OSBPL1A: variants seen among roughly 807,000 people sequenced by gnomAD.
OSBPL1A encodes the protein oxysterol-binding protein-related protein 1.
OSBPL1A carries 80 observed loss-of-function variants against 137.1 expected under a neutral mutation model. That is an observed-to-expected ratio of 0.58 (90% confidence interval 0.49 to 0.70). OSBPL1A has a LOEUF of 0.70. OSBPL1A is among the 30% of genes least tolerant of loss of function. OSBPL1A has a pLI of 0.00. For synonymous variants in OSBPL1A, 365 were observed against 389.7 expected, an observed-to-expected ratio of 0.94 and a Z score of 0.75; for missense variants, 970 against 1,129.4, an observed-to-expected ratio of 0.86 and a Z score of 2.02.
At chr18:24,283,216 G>A (rs1221390107) in intron 14 of OSBPL1A, among the ~76,000 whole-genome samples, 1 of 137,358 alleles carries the variant, frequency 7.3e-6, no homozygotes, top group East Asian at 2.1e-4. Context: ...AGTAAGCGGA[G>A]ATGGCACCAC....
intron 18 of OSBPL1A, among the ~76,000 whole-genome samples, chr18:24,190,212 T>C (rs1346689296): frequency 6.6e-6 from 1 of 152,038 alleles, no homozygotes; most frequent in Non-Finnish European, 1.5e-5. Context: ...CACTCGGCAT[T>C]TGTGGCTTTA....
At chr18:24,227,238 C>A (rs1368687181) in intron 16 of OSBPL1A, among the ~76,000 whole-genome samples, 1 of 151,804 alleles carries the variant, frequency 6.6e-6, no homozygotes, top group Non-Finnish European at 1.5e-5. Context: ...ATTTATTTTT[C>A]TTTGTCAATT....
At chr18:24,215,133 C>G (rs1765322113) in intron 17 of OSBPL1A, among the ~76,000 whole-genome samples, 1 of 152,186 alleles carries the variant, frequency 6.6e-6, no homozygotes, top group Non-Finnish European at 1.5e-5. Context: ...CCTTCTGTTT[C>G]CTTTTGGATT....
chr18:24,310,508 A>C (rs2090600424), intron 13 of OSBPL1A, among the ~76,000 whole-genome samples: 1 of 146,420 alleles, frequency 6.8e-6, no homozygotes, highest in Admixed American at 6.9e-5. Context: ...AGGCTGAGGC[A>C]GGGGAATGGC....
At chr18:24,208,678 A>G (rs1171104916) in intron 17 of OSBPL1A, among the ~76,000 whole-genome samples, 1 of 152,224 alleles carries the variant, frequency 6.6e-6, no homozygotes, top group African/African-American at 2.4e-5. Flanking sequence ...CCTGCAGTGA[A>G]TGGCATAGAA....
intron 17 of OSBPL1A, among the ~76,000 whole-genome samples, chr18:24,205,073 A>T (rs1244551693): frequency 6.6e-6 from 1 of 152,194 alleles, no homozygotes; most frequent in African/African-American, 2.4e-5. Flanking sequence ...AGACTGTGTT[A>T]ATCACTTAAT....
At chr18:24,382,881 A>T (rs1906698606) in intron 1 of OSBPL1A, among the ~76,000 whole-genome samples, 2 of 152,262 alleles carry the variant, frequency 1.3e-5, no homozygotes, top group South Asian at 4.1e-4. Context: ...TTCAAAAAAA[A>T]TAGTAAATGA....
At chr18:24,171,550 A>T (rs778200425) in intron 22 of OSBPL1A, 52 bp from the exon 23 acceptor site, 1 of 1,397,456 alleles carries the variant, frequency 7.2e-7, no homozygotes, top group Non-Finnish European at 1.0e-6. Flanking sequence ...AAGCAGCAGT[A>T]GAGAAAAATA....
intron 17 of OSBPL1A, among the ~76,000 whole-genome samples, chr18:24,203,576 C>T (rs147811368): frequency 4.6e-4 from 70 of 152,274 alleles, no homozygotes; most frequent in Admixed American, 1.2e-3. Context: ...ATCTCACACA[C>T]GCTGGTTTTA....
In OSBPL1A at chr18:24,178,150, G is replaced by A; in HGVS notation, c.1956C>T (p.His652=). The A allele has an allele frequency of 1.2e-6, 2 of 1,611,986 alleles. No individual in the cohort carries two copies. The highest frequency in any genetic ancestry group is 8.5e-7 in the Non-Finnish European group (1 of 1,179,428). Residue 652 remains histidine (H), a synonymous_variant, in exon 21 of 28, where the codon CAC becomes CAT. Coordinates refer to ENST00000319481, the MANE Select transcript of OSBPL1A (RefSeq NM_080597.4). The stretch of plus-strand genomic sequence containing the variant: ...CAGCATGAAATGCACTGATTGGTGG[G>A]TGATGGCTGACCTGTTCGGAGATGA... ...FRLISEQVSH[H]PPISAFHAEG... is the part of the protein sequence containing the mutation.
chr18:24,190,344 C>A (rs2086855602), intron 18 of OSBPL1A, among the ~76,000 whole-genome samples: 1 of 74,354 alleles, frequency 1.3e-5, no homozygotes, highest in African/African-American at 5.7e-5. Flanking sequence ...CCCTCTGCTA[C>A]TGAAAAAAAA....
At chr18:24,234,159 T>C (rs2088368883) in intron 16 of OSBPL1A, among the ~76,000 whole-genome samples, 1 of 152,222 alleles carries the variant, frequency 6.6e-6, no homozygotes, top group Non-Finnish European at 1.5e-5. Context: ...AGAACCACTT[T>C]CTTCTTCTAT....
At chr18:24,372,908 A>T (rs529815316) in intron 2 of OSBPL1A, among the ~76,000 whole-genome samples, 61 of 152,196 alleles carry the variant, frequency 4.0e-4, no homozygotes, top group Non-Finnish European at 7.6e-4. Flanking sequence ...TACTAAAAAT[A>T]CAAAAATTAG....
chr18:24,386,564 A>G (rs868028437), intron 1 of OSBPL1A, among the ~76,000 whole-genome samples: 13 of 152,230 alleles, frequency 8.5e-5, no homozygotes, highest in South Asian at 2.1e-4. Flanking sequence ...AAGCATTTTC[A>G]CTGCTTTTCC....
At chr18:24,165,797 C>T (rs1351751002) in intron 26 of OSBPL1A, among the ~76,000 whole-genome samples, 1 of 152,054 alleles carries the variant, frequency 6.6e-6, no homozygotes, top group Non-Finnish European at 1.5e-5. Context: ...AGAAATTTAA[C>T]ACTATAAGAT....
At chr18:24,267,857 T>C (rs2089620108) in intron 15 of OSBPL1A, among the ~76,000 whole-genome samples, 1 of 151,938 alleles carries the variant, frequency 6.6e-6, no homozygotes, top group Non-Finnish European at 1.5e-5. Context: ...TTTTTTTTTT[T>C]TTAAATCAGG....
chr18:24,165,115 T>A lies in OSBPL1A; in HGVS notation c.2700A>T (p.Gln900His). 1 of 1,614,210 alleles carries A rather than the reference T, an allele frequency of 6.2e-7. No homozygotes were observed. Among genetic ancestry groups the A allele is most frequent in the Non-Finnish European group, 8.5e-7 (1 of 1,180,028 alleles). ...TGGACCTGTTTTTGCGGGCTGCTCT[T>A]TGTTTTTCCTCAAGTCGTTTTTTTT... ...SEEKKRLEEKQRAARKNRSKS... is the reference protein window; with the variant it reads ...SEEKKRLEEKHRAARKNRSKS... Residue 900 changes from glutamine (Q) to histidine (H), a missense_variant, in exon 27 of 28, where the codon CAA (glutamine) becomes CAT (histidine). By Grantham distance (24) the Gln-to-His change is conservative. Around this residue, in one of 2 missense-constraint regions of OSBPL1A, gnomAD observed 323 missense variants for 456.8 expected, o/e 0.71. Coordinates refer to ENST00000319481, the MANE Select transcript of OSBPL1A (RefSeq NM_080597.4).
intron 4 of OSBPL1A, among the ~76,000 whole-genome samples, chr18:24,353,243 A>G (rs2091473958): frequency 6.6e-6 from 1 of 152,194 alleles, no homozygotes; most frequent in Admixed American, 6.5e-5. Flanking sequence ...CAACCCCATC[A>G]AAAAGTGGGC....
intron 15 of OSBPL1A, among the ~76,000 whole-genome samples, chr18:24,260,191 A>C (rs893861711): frequency 1.3e-5 from 2 of 152,210 alleles, no homozygotes; most frequent in Non-Finnish European, 1.5e-5. Context: ...GAATGTGGGG[A>C]AAGTGGAACT....
Sources: allele counts gnomAD v4.1 joint callset (sites outside exome capture counted in the v4.1 genomes callset), GRCh38; gene constraint gnomAD v4.1.1; regional missense constraint gnomAD v4.1.1; transcripts MANE v1.5; gene names NCBI Gene and HGNC (gene_info 2026-07-23, HGNC 2026-07-21).